ZZZ3: variants seen among roughly 807,000 people sequenced by gnomAD.
ZZZ3 encodes the protein zinc finger ZZ-type containing 3, also known as ZZ-type zinc finger-containing protein 3.
A neutral mutation model predicts 95.2 loss-of-function variants in ZZZ3; 22 were observed. The observed-to-expected ratio is 0.23, with a 90% CI of 0.17 to 0.33. ZZZ3 has a LOEUF of 0.33. ZZZ3 is among the 10% of genes least tolerant of loss of function. ZZZ3 has a pLI of 1.00. For missense variants in ZZZ3, 885 were observed against 1,066.5 expected (o/e 0.83, Z 2.37); for synonymous variants, 335 against 358.9 (o/e 0.93, Z 0.75).
rs561071107 is a variant in ZZZ3, at chr1:77,651,336, G to A, written c.-402-9681C>T. Reference sequence around the variant, plus strand: ...GGAGGTTGCACTGAACCAAGATCACGCCACTGCACCCCAGCGTGGGCGACA... The same window carrying A: ...GGAGGTTGCACTGAACCAAGATCACACCACTGCACCCCAGCGTGGGCGACA... On this transcript the variant is annotated intron_variant, in intron 1 of 14. Coordinates refer to ENST00000370801, the MANE Select transcript of ZZZ3 (RefSeq NM_015534.6). Among the ~76,000 whole-genome samples, 5 of 152,236 alleles carry A rather than the reference G, an allele frequency of 3.3e-5. No homozygotes were observed. The East Asian group carries it at 7.7e-4, about 24-fold the overall frequency.
intron 5 of ZZZ3, among the ~76,000 whole-genome samples, chr1:77,629,454 T>C (rs1667601590): frequency 6.6e-6 from 1 of 152,000 alleles, no homozygotes; most frequent in Admixed American, 6.6e-5. Flanking sequence ...CCTGTCTCAA[T>C]TAAAATTACA....
At chr1:77,666,307 T>G (rs1671245980) in intron 1 of ZZZ3, among the ~76,000 whole-genome samples, 1 of 152,196 alleles carries the variant, frequency 6.6e-6, no homozygotes, top group Admixed American at 6.5e-5. Context: ...GGCAGACAGA[T>G]CACTTGAGGT....
intron 1 of ZZZ3, among the ~76,000 whole-genome samples, chr1:77,675,949 A>G (rs1368005274): frequency 6.6e-6 from 1 of 152,132 alleles, no homozygotes; most frequent in Non-Finnish European, 1.5e-5. Flanking sequence ...TGCTATCTCA[A>G]CATTTGAAGA....
intron 1 of ZZZ3, among the ~76,000 whole-genome samples, chr1:77,681,614 G>C (rs1672760398): frequency 6.6e-6 from 1 of 152,120 alleles, no homozygotes; most frequent in Non-Finnish European, 1.5e-5. Context: ...GGGCGCGGTG[G>C]CTCACGCCTG....
chr1:77,619,159 T>C (rs1427040523), intron 5 of ZZZ3, among the ~76,000 whole-genome samples: 1 of 152,150 alleles, frequency 6.6e-6, no homozygotes, highest in East Asian at 1.9e-4. Flanking sequence ...ATCTAAAATG[T>C]TTACCTCTTA....
chr1:77,609,506 C>G (rs962330632), intron 5 of ZZZ3, among the ~76,000 whole-genome samples: 7 of 152,036 alleles, frequency 4.6e-5, no homozygotes, highest in African/African-American at 9.7e-5. Flanking sequence ...AACAAAGAAA[C>G]AGCAGACTTA....
At chr1:77,643,334 T>G (rs1470174209) in intron 1 of ZZZ3, among the ~76,000 whole-genome samples, 1 of 152,234 alleles carries the variant, frequency 6.6e-6, no homozygotes. Context: ...TCAAGCATTC[T>G]GCAAAACTGT....
At chr1:77,657,754 A>C (rs1359374139) in intron 1 of ZZZ3, among the ~76,000 whole-genome samples, 2 of 152,238 alleles carry the variant, frequency 1.3e-5, no homozygotes, top group African/African-American at 2.4e-5. Flanking sequence ...AATAATTGTT[A>C]AATTATTTAA....
chr1:77,677,586 A>G (rs1672380282), intron 1 of ZZZ3, among the ~76,000 whole-genome samples: 1 of 152,240 alleles, frequency 6.6e-6, no homozygotes. Context: ...ATGTTTTAAG[A>G]GCCTTCAAAA....
At chr1:77,606,787 T>C (rs1321946849) in intron 5 of ZZZ3, among the ~76,000 whole-genome samples, 2 of 152,218 alleles carry the variant, frequency 1.3e-5, no homozygotes, top group Admixed American at 1.3e-4. Context: ...TGCCCTCTAA[T>C]ACAGATATAG....
intron 1 of ZZZ3, among the ~76,000 whole-genome samples, chr1:77,642,601 A>C (rs1157705804): frequency 7.1e-6 from 1 of 139,976 alleles, no homozygotes; most frequent in Non-Finnish European, 1.6e-5. Flanking sequence ...AAAAAAAAAA[A>C]TGAAAATTAG....
intron 5 of ZZZ3, among the ~76,000 whole-genome samples, chr1:77,620,616 T>C (rs1666764769): frequency 6.6e-6 from 1 of 152,030 alleles, no homozygotes. Flanking sequence ...TTTTTCTGGA[T>C]TGGGCAAGTA....
intron 1 of ZZZ3, among the ~76,000 whole-genome samples, chr1:77,656,738 T>A (rs1240785178): frequency 6.6e-6 from 1 of 152,164 alleles, no homozygotes; most frequent in African/African-American, 2.4e-5. Flanking sequence ...CCTCTAAGAA[T>A]CTACAGGACA....
In ZZZ3 at chr1:77,576,161, G is replaced by T; in HGVS notation, c.2238C>A (p.Phe746Leu). 1 of 1,613,668 alleles carries T rather than the reference G, an allele frequency of 6.2e-7. No individual in the cohort carries two copies. The highest frequency in any genetic ancestry group is 8.5e-7 in the Non-Finnish European group (1 of 1,179,882). ...LNKHLFKPST[F>L]MTSHEPPVYM... Reference sequence around the variant, plus strand: ...ACACTGGCGGTTCATGTGAAGTCATGAAAGTGGAAGGCTTAAAGAGATGCT... The same window carrying T: ...ACACTGGCGGTTCATGTGAAGTCATTAAAGTGGAAGGCTTAAAGAGATGCT... Residue 746 changes from phenylalanine to leucine, a missense_variant, in exon 12 of 15, where the codon TTC becomes TTA. Around this residue, in one of 5 missense-constraint regions of ZZZ3, gnomAD observed 221 missense variants for 247.8 expected, o/e 0.89. Transcript: ENST00000370801.
Position 77,584,541 on chromosome 1 carries a change from T to G in ZZZ3, c.1620A>C (p.Gly540=). The change falls in exon 6 of 15, where the codon GGA becomes GGC. Residue 540 remains glycine, a synonymous_variant. Coordinates refer to ENST00000370801, the MANE Select transcript of ZZZ3 (RefSeq NM_015534.6). The part of the protein sequence containing the change: ...HQREALKNPI[G]FVEKLQKKAD... ...CCTTCTTCTGGAGTTTTTCCACAAATCCAATGGGATTTTTCAGTGCTTCTC... is the reference window on the plus strand; with the variant it reads ...CCTTCTTCTGGAGTTTTTCCACAAAGCCAATGGGATTTTTCAGTGCTTCTC... 6.2e-7 allele frequency: 1 copy of G among 1,612,054 alleles called. No homozygotes were observed. The highest frequency in any genetic ancestry group is 8.5e-7 in the Non-Finnish European group (1 of 1,179,456).
chr1:77,682,681 A>G (rs1166698707), upstream of ZZZ3: 2 of 152,156 alleles, frequency 1.3e-5, no homozygotes, highest in Non-Finnish European at 2.9e-5. Flanking sequence ...GAATCGAGAG[A>G]TCTCGCGATA....
rs147250485 is a variant in ZZZ3, at chr1:77,632,466, T to C, written c.889A>G (p.Thr297Ala). Residue 297 changes from threonine to alanine, a missense_variant, in exon 5 of 15, where the codon ACT (threonine) becomes GCT (alanine). Thr to Ala is a moderately conservative substitution (Grantham distance 58). Around this residue, in one of 5 missense-constraint regions of ZZZ3, gnomAD observed 556 missense variants for 652.9 expected, o/e 0.85. Coordinates refer to ENST00000370801, the MANE Select transcript of ZZZ3 (RefSeq NM_015534.6). ...LPVEHVNQLT[T>A]EPATGPFSET... is the part of the protein sequence containing the mutation. ...GAAAAGGGCCCTGTAGCTGGCTCAGTAGTCAGCTGATTAACATGTTCCACA... is the reference window on the plus strand; with the variant it reads ...GAAAAGGGCCCTGTAGCTGGCTCAGCAGTCAGCTGATTAACATGTTCCACA... The C allele has an allele frequency of 5.8e-5, 94 of 1,614,176 alleles. 2 individuals carry two copies. In the Admixed American group the frequency reaches 1.1e-3, roughly 18 times the overall value.
At chr1:77,644,064 T>TC (rs1669029775) in intron 1 of ZZZ3, among the ~76,000 whole-genome samples, 1 of 149,032 alleles carries the variant, frequency 6.7e-6, no homozygotes, top group Non-Finnish European at 1.5e-5. Context: ...ATAACTTTCT[T>TC]TTTTTTTTTT....
intron 5 of ZZZ3, among the ~76,000 whole-genome samples, chr1:77,623,629 C>A (rs1303770198): frequency 1.3e-5 from 2 of 152,130 alleles, no homozygotes; most frequent in Non-Finnish European, 2.9e-5. Context: ...AATTAACTGC[C>A]TGTCAGAACA....
Sources: allele counts gnomAD v4.1 joint callset (sites outside exome capture counted in the v4.1 genomes callset), GRCh38; gene constraint gnomAD v4.1.1; regional missense constraint gnomAD v4.1.1; transcripts MANE v1.5; gene names NCBI Gene and HGNC (gene_info 2026-07-23, HGNC 2026-07-21).